The following ASTN2 variants were observed in gnomAD, a reference collection of about 807,000 sequenced individuals.
ASTN2 encodes astrotactin-2.
Under a neutral mutation model 139.8 loss-of-function variants are expected in ASTN2, and 54 were observed. The observed-to-expected ratio is 0.39, with a 90% CI of 0.31 to 0.48. The LOEUF (loss-of-function observed/expected upper bound fraction) is 0.48, where lower values mean the gene tolerates loss of function less well. ASTN2 is among the 20% of genes least tolerant of loss of function. The pLI is 0.95. For missense variants in ASTN2, 1,565 were observed against 1,725.1 expected, an observed-to-expected ratio of 0.91 and a Z score of 1.64; for synonymous variants, 756 against 719.5, an observed-to-expected ratio of 1.05 and a Z score of -0.81.
intron 11 of ASTN2, among the ~76,000 whole-genome samples, chr9:116,838,775 C>T (rs1440822232): frequency 2.0e-5 from 3 of 152,246 alleles, no homozygotes; most frequent in Non-Finnish European, 4.4e-5. Flanking sequence ...GATGAGAACA[C>T]TCTGAGCCTC....
chr9:116,694,325 T>G (rs566580469), intron 16 of ASTN2, among the ~76,000 whole-genome samples: 1 of 152,276 alleles, frequency 6.6e-6, no homozygotes, highest in African/African-American at 2.4e-5. Flanking sequence ...CAGATGTCCC[T>G]GTGCATTGTA....
rs1032250627 is a variant in ASTN2, at chr9:116,446,264, G to T, written c.3498-3711C>A. 9.1e-4 allele frequency among the ~76,000 whole-genome samples: 66 copies of T among 72,410 alleles called. No homozygotes were observed. In the East Asian group the frequency reaches 0.02, roughly 22 times the overall value. The allele number at this position is 72,410 out of a possible 152,430, so 47.5% of individuals were successfully genotyped here. A position where few individuals can be genotyped will look rare whatever the true frequency, so the allele number is the denominator to read the frequency against. ...GAGACAGAGGGGAGAGGGAGAGAGA[G>T]AGAGAGATAGAGAGAGAGAGAGAGA... On this transcript the variant is annotated intron_variant, in intron 20 of 22. Transcript: ENST00000313400.
intron 5 of ASTN2, among the ~76,000 whole-genome samples, chr9:117,087,491 G>A (rs1262756259): frequency 2.0e-5 from 3 of 152,264 alleles, no homozygotes; most frequent in Admixed American, 6.5e-5. Flanking sequence ...GCCTCCCAAA[G>A]TACCGAGATT....
intron 13 of ASTN2, among the ~76,000 whole-genome samples, chr9:116,802,003 C>T (rs1360178954): frequency 6.6e-6 from 1 of 151,612 alleles, no homozygotes; most frequent in African/African-American, 2.4e-5. Flanking sequence ...ACAATGACTT[C>T]TAATGGACCT....
At chr9:116,487,597 T>G in intron 19 of ASTN2, 97 bp from the exon 20 acceptor site, 1 of 1,207,090 alleles carries the variant, frequency 8.3e-7, no homozygotes, top group Non-Finnish European at 1.1e-6. Context: ...TTGATACCAT[T>G]ATCAAGAAAA....
chr9:116,626,589 G>A (rs1856474973), intron 17 of ASTN2, among the ~76,000 whole-genome samples: 1 of 152,012 alleles, frequency 6.6e-6, no homozygotes, highest in Non-Finnish European at 1.5e-5. Flanking sequence ...TGGAGGTAGA[G>A]TCCCTTTTGG....
intron 3 of ASTN2, among the ~76,000 whole-genome samples, chr9:117,148,338 A>T (rs1188196313): frequency 6.6e-6 from 1 of 152,198 alleles, no homozygotes; most frequent in Non-Finnish European, 1.5e-5. Flanking sequence ...GAGCTTCTAG[A>T]ACATAGTAAA....
intron 4 of ASTN2, among the ~76,000 whole-genome samples, chr9:117,130,274 A>C (rs1244216970): frequency 6.6e-6 from 1 of 152,196 alleles, no homozygotes; most frequent in Admixed American, 6.5e-5. Flanking sequence ...ATGCCACTGC[A>C]CTCCAGCCTG....
intron 5 of ASTN2, among the ~76,000 whole-genome samples, chr9:117,073,994 T>G (rs1042554234): frequency 1.3e-5 from 2 of 152,050 alleles, no homozygotes; most frequent in Non-Finnish European, 2.9e-5. Flanking sequence ...GCAGTTCACT[T>G]GATTCACACA....
chr9:117,326,237 G>A (rs1473101974), intron 1 of ASTN2, among the ~76,000 whole-genome samples: 1 of 152,074 alleles, frequency 6.6e-6, no homozygotes. Flanking sequence ...TGGACTGTGG[G>A]CAGCCAGTTT....
intron 16 of ASTN2, among the ~76,000 whole-genome samples, chr9:116,677,207 T>G (rs1457056927): frequency 1.3e-5 from 2 of 152,200 alleles, no homozygotes; most frequent in Non-Finnish European, 2.9e-5. Context: ...TTTCTCCATT[T>G]TTTTGTCTTG....
chr9:116,494,695 A>G (rs1360902170), intron 19 of ASTN2, among the ~76,000 whole-genome samples: 2 of 152,246 alleles, frequency 1.3e-5, no homozygotes, highest in African/African-American at 4.8e-5. Context: ...AAAATTCGAT[A>G]AAACCTAATG....
chr9:116,763,842 A>T (rs1163559529), intron 13 of ASTN2, among the ~76,000 whole-genome samples: 1 of 152,168 alleles, frequency 6.6e-6, no homozygotes, highest in Non-Finnish European at 1.5e-5. Context: ...TGCAACATGC[A>T]AAGCACTGAG....
chr9:116,903,256 C>T (rs952492355), intron 10 of ASTN2, among the ~76,000 whole-genome samples: 8 of 152,142 alleles, frequency 5.3e-5, no homozygotes, highest in African/African-American at 1.2e-4. Flanking sequence ...CTTATTACCT[C>T]GAATCTACTG....
chr9:116,955,948 A>C (rs1025386461), intron 10 of ASTN2, among the ~76,000 whole-genome samples: 2 of 152,236 alleles, frequency 1.3e-5, no homozygotes, highest in African/African-American at 4.8e-5. Flanking sequence ...ATCATGGGGA[A>C]GGACAGGAGT....
In ASTN2 at chr9:117,214,422, C is replaced by G. The variant is rs146522595; in HGVS notation, c.951G>C (p.Gln317His). The change falls in exon 3 of 23, where the codon CAG (glutamine) becomes CAC (histidine). Residue 317 changes from glutamine to histidine, a missense_variant. By Grantham distance (24) the Gln-to-His change is conservative. Around this residue, in one of 4 missense-constraint regions of ASTN2, gnomAD observed 596 missense variants for 576.8 expected, o/e 1.03. Coordinates refer to ENST00000313400, the MANE Select transcript of ASTN2 (RefSeq NM_001365068.1). ...HVSREDEFGSQVTHTLDSLGH... is the reference protein window; with the variant it reads ...HVSREDEFGSHVTHTLDSLGH... ...CCAGACTGTCCAGAGTGTGGGTCAC[C>G]TGGCTGCCAAACTCGTCCTCGCGGG... 3.1e-6 allele frequency: 5 copies of G among 1,613,964 alleles called. No homozygotes were observed. In the African/African-American group the frequency reaches 6.7e-5, roughly 22 times the overall value.
In ASTN2 at chr9:116,794,054, G is replaced by A. The variant is rs1830623395; in HGVS notation, c.2396+11578C>T. Among the ~76,000 whole-genome samples the A allele has an allele frequency of 4.6e-5, 7 of 150,816 alleles. No individual in the cohort carries two copies. The South Asian group carries it at 1.5e-3, about 32-fold the overall frequency. On this transcript the variant is annotated intron_variant, in intron 13 of 22. Transcript: ENST00000313400. ...ATCAAATACACTAACATCAATAATA[G>A]CTGATATGCAAAACAAAACAAAACA... is the stretch of plus-strand genomic sequence containing the variant.
chr9:116,645,898 G>C (rs1378700262), intron 17 of ASTN2, among the ~76,000 whole-genome samples: 2 of 152,160 alleles, frequency 1.3e-5, no homozygotes, highest in Non-Finnish European at 2.9e-5. Context: ...GTACTATCTA[G>C]AAGAGGAGTT....
intron 2 of ASTN2, among the ~76,000 whole-genome samples, chr9:117,259,631 T>C (rs1054759203): frequency 3.3e-5 from 5 of 152,202 alleles, no homozygotes; most frequent in African/African-American, 9.6e-5. Context: ...CAATTGCCAA[T>C]CAGAACATTT....
Sources: gnomAD v4.1 joint callset for allele counts (sites outside exome capture counted in the v4.1 genomes callset) on GRCh38, gnomAD v4.1.1 for gene constraint, gnomAD v4.1.1 regional missense constraint, MANE v1.5 for transcripts, NCBI Gene and HGNC (gene_info 2026-07-23, HGNC 2026-07-21) for gene names.